PTPRG: variants seen among roughly 807,000 people sequenced by gnomAD.
PTPRG encodes the protein receptor-type tyrosine-protein phosphatase gamma.
In PTPRG, 102 loss-of-function variants were observed where a neutral mutation model predicts 165.3. The ratio of observed to expected loss-of-function variants is 0.62; its 90% CI spans 0.53 to 0.73. PTPRG has a LOEUF of 0.73. Among genes scored for constraint, PTPRG ranks in the 30% least tolerant of loss-of-function variants. The pLI is 0.00. For synonymous variants in PTPRG, 675 were observed against 669.5 expected (o/e 1.01, Z -0.13); for missense variants, 1,866 against 1,861.4 (o/e 1.00, Z -0.05).
intron 4 of PTPRG, among the ~76,000 whole-genome samples, chr3:62,032,111 GT>G (rs1030170918): frequency 2.0e-5 from 3 of 152,202 alleles, no homozygotes; most frequent in Non-Finnish European, 4.4e-5. Flanking sequence ...TGAGCTGTGA[GT>G]TATACCAGCC....
chr3:62,293,486 C>T lies in PTPRG; in HGVS notation c.*179C>T. ...AATGGTATCCTACTGAGCATTTGCA[C>T]CTCTGTTCATTTCACACAGTGAAAC... On this transcript the variant is annotated 3_prime_UTR_variant, in exon 30 of 30. Coordinates refer to ENST00000474889, the MANE Select transcript of PTPRG (RefSeq NM_002841.4). 1 of 489,422 alleles carries T rather than the reference C, an allele frequency of 2.0e-6. No individual in the cohort carries two copies. Among genetic ancestry groups the T allele is most frequent in the Non-Finnish European group, 3.5e-6 (1 of 288,454 alleles). The allele number at this position is 489,422 out of a possible 1,614,324, so 30.3% of individuals were successfully genotyped here.
At chr3:62,004,316 T>C (rs532767442) in intron 4 of PTPRG, among the ~76,000 whole-genome samples, 9 of 152,366 alleles carry the variant, frequency 5.9e-5, no homozygotes, top group Admixed American at 2.6e-4. Context: ...TTCTGAAACC[T>C]GCCCAATAGT....
chr3:62,033,192 C>T (rs1355570602), intron 4 of PTPRG, among the ~76,000 whole-genome samples: 2 of 152,054 alleles, frequency 1.3e-5, no homozygotes, highest in East Asian at 3.9e-4. Flanking sequence ...CTCTTCCCAC[C>T]TCAGGACCTA....
At chr3:61,799,652 A>G (rs765262763) in intron 2 of PTPRG, among the ~76,000 whole-genome samples, 2 of 152,182 alleles carry the variant, frequency 1.3e-5, no homozygotes, top group South Asian at 2.1e-4. Flanking sequence ...TTTGATCACA[A>G]CCTATCAAAG....
chr3:62,003,643 G>C, intron 4 of PTPRG, 146 bp downstream of exon 4: 1 of 993,436 alleles, frequency 1.0e-6, no homozygotes. Flanking sequence ...TCCATAGTAT[G>C]GCAGGTGGGT....
rs151233478 is a variant in PTPRG at position 62,265,300 on chromosome 3, T to C, written c.2657-2110T>C. ...TCCTTTTTCAAGATTGTTTTGGCTA[T>C]TCTTTCAACAATTGTTTCTGAATTG... On this transcript the variant is annotated intron_variant, in intron 17 of 29. Coordinates refer to ENST00000474889, the MANE Select transcript of PTPRG (RefSeq NM_002841.4). Among the ~76,000 whole-genome samples, 1,171 of 152,348 alleles carry C rather than the reference T, an allele frequency of 7.7e-3. 10 individuals carry two copies. The highest frequency in any genetic ancestry group is 0.011 in the Non-Finnish European group (775 of 68,024).
chr3:61,797,680 CA>C (rs992184322), intron 2 of PTPRG, among the ~76,000 whole-genome samples: 1 of 146,776 alleles, frequency 6.8e-6, no homozygotes, highest in African/African-American at 2.5e-5. Flanking sequence ...CACTGATTAC[CA>C]GTAGCTCATG....
intron 4 of PTPRG, among the ~76,000 whole-genome samples, chr3:62,074,317 CT>C (rs1202452796): frequency 2.3e-5 from 3 of 132,508 alleles, no homozygotes; most frequent in South Asian, 2.5e-4. Flanking sequence ...TTTTCCAGAT[CT>C]TTTTTTCTTT....
chr3:61,965,170 G>C (rs994399635), intron 2 of PTPRG, among the ~76,000 whole-genome samples: 17 of 151,554 alleles, frequency 1.1e-4, no homozygotes, highest in African/African-American at 4.1e-4. Flanking sequence ...CTTGAACCCG[G>C]GAGACGGAGG....
At position 62,282,285 on chromosome 3, in the gene PTPRG, A is replaced by G. The variant is rs1346033982; in HGVS notation, c.3913-442A>G. On this transcript the variant is annotated intron_variant, in intron 27 of 29. Transcript: ENST00000474889. ...GAGACAAGGTCTCACTCACAGTGGC[A>G]TCATCAAAGCTCAGTGTAACCCCAA... Among the ~76,000 whole-genome samples the G allele has an allele frequency of 2.0e-5, 3 of 152,058 alleles. No homozygotes were observed. The East Asian group carries it at 5.8e-4, about 29-fold the overall frequency.
Position 62,188,957 on chromosome 3 carries a change from C to A in PTPRG, c.1034-2512C>A, listed in dbSNP as rs577089686. ...TTCCTGATCTTTCCCCCGCCTCCTC[C>A]GTGTTCTGTCTTGAAAAACTATGAA... On this transcript the variant is annotated intron_variant, in intron 8 of 29. Transcript: ENST00000474889. Among the ~76,000 whole-genome samples, 58 of 152,134 alleles carry A rather than the reference C, an allele frequency of 3.8e-4. 2 individuals are homozygous for A. In the South Asian group the frequency reaches 8.3e-3, roughly 22 times the overall value.
chr3:62,176,247 G>C (rs2106759759), intron 8 of PTPRG, among the ~76,000 whole-genome samples: 1 of 151,844 alleles, frequency 6.6e-6, no homozygotes, highest in Middle Eastern at 3.4e-3. Context: ...TTTACTAACA[G>C]TTTGGATGGA....
intron 1 of PTPRG, among the ~76,000 whole-genome samples, chr3:61,611,551 C>G (rs1701169679): frequency 6.6e-6 from 1 of 152,130 alleles, no homozygotes; most frequent in Non-Finnish European, 1.5e-5. Flanking sequence ...ATTTTTCTTG[C>G]ATTAGTAAGT....
At chr3:61,631,451 G>T (rs1195651636) in intron 1 of PTPRG, among the ~76,000 whole-genome samples, 1 of 152,164 alleles carries the variant, frequency 6.6e-6, no homozygotes, top group Non-Finnish European at 1.5e-5. Flanking sequence ...CTATCTTAGT[G>T]GTTATTGTTA....
intron 2 of PTPRG, among the ~76,000 whole-genome samples, chr3:61,844,696 T>G (rs1440002306): frequency 6.6e-6 from 1 of 151,700 alleles, no homozygotes; most frequent in Non-Finnish European, 1.5e-5. Flanking sequence ...GAGATGCGTA[T>G]CTTGCTATAT....
chr3:61,728,922 C>A (rs1343460616), intron 1 of PTPRG, among the ~76,000 whole-genome samples: 2 of 149,746 alleles, frequency 1.3e-5, no homozygotes, highest in Non-Finnish European at 3.0e-5. Flanking sequence ...ATTAGCTGGA[C>A]ATGGTGGCAT....
intron 2 of PTPRG, among the ~76,000 whole-genome samples, chr3:61,806,443 A>T (rs1301854838): frequency 1.3e-5 from 2 of 152,206 alleles, no homozygotes; most frequent in Admixed American, 6.5e-5. Flanking sequence ...CAGGTTCTGA[A>T]TACACATGCC....
At chr3:61,714,887 C>A (rs1483929942) in intron 1 of PTPRG, among the ~76,000 whole-genome samples, 3 of 152,166 alleles carry the variant, frequency 2.0e-5, no homozygotes, top group Non-Finnish European at 4.4e-5. Context: ...ATTACTGGTA[C>A]CTGAGTCTAA....
chr3:61,994,610 A>AAGT (rs2065600466), intron 3 of PTPRG, among the ~76,000 whole-genome samples: 1 of 152,252 alleles, frequency 6.6e-6, no homozygotes, highest in African/African-American at 2.4e-5. Context: ...AAAGTAAGGC[A>AAGT]AGTAGTAGGA....
Sources: allele counts gnomAD v4.1 joint callset (sites outside exome capture counted in the v4.1 genomes callset), GRCh38; gene constraint gnomAD v4.1.1; transcripts MANE v1.5; gene names NCBI Gene and HGNC (gene_info 2026-07-23, HGNC 2026-07-21).